The following PRDM5 variants were observed in gnomAD, a reference collection of about 807,000 sequenced individuals.
PRDM5 encodes the protein PR domain zinc finger protein 5.
Under a neutral mutation model 81.2 loss-of-function variants are expected in PRDM5, and 56 were observed. The observed-to-expected ratio is 0.69, with a 90% confidence interval of 0.56 to 0.86. PRDM5 has a LOEUF of 0.86. Among genes scored for constraint, PRDM5 ranks in the 40% least tolerant of loss-of-function variants. PRDM5 has a pLI of 0.00. For missense variants in PRDM5, 697 were observed against 770.1 expected (o/e 0.91, Z 1.12); for synonymous variants, 267 against 256.4 (o/e 1.04, Z -0.39).
chr4:120,788,540 T>C (rs560271251), intron 10 of PRDM5, among the ~76,000 whole-genome samples: 1 of 152,364 alleles, frequency 6.6e-6, no homozygotes, highest in South Asian at 2.1e-4. Context: ...ATTTTGTTTT[T>C]AGAGCATCCA....
chr4:120,878,939 G>C (rs1762581901), intron 2 of PRDM5, among the ~76,000 whole-genome samples: 1 of 152,176 alleles, frequency 6.6e-6, no homozygotes, highest in Non-Finnish European at 1.5e-5. Context: ...CTGCTGAGTG[G>C]AATGCAAAAT....
At chr4:120,768,119 C>T (rs1746657361) in intron 13 of PRDM5, among the ~76,000 whole-genome samples, 1 of 152,100 alleles carries the variant, frequency 6.6e-6, no homozygotes. Flanking sequence ...CATCATTTGG[C>T]TCTAAAGCAT....
chr4:120,801,809 G>T (rs565440932), intron 8 of PRDM5, among the ~76,000 whole-genome samples: 169 of 152,216 alleles, frequency 1.1e-3, no homozygotes, highest in African/African-American at 3.9e-3. Flanking sequence ...GAGGACCAAT[G>T]ATATGATTTG....
At chr4:120,810,818 T>C (rs1753731863) in intron 8 of PRDM5, among the ~76,000 whole-genome samples, 1 of 152,156 alleles carries the variant, frequency 6.6e-6, no homozygotes, top group Non-Finnish European at 1.5e-5. Context: ...ACATACAAGA[T>C]ATAACCTCAG....
chr4:120,874,660 T>C (rs975695536), intron 2 of PRDM5, among the ~76,000 whole-genome samples: 11 of 152,198 alleles, frequency 7.2e-5, no homozygotes, highest in African/African-American at 2.7e-4. Context: ...AAATCAAGAT[T>C]AGGACAAGAT....
chr4:120,857,961 C>T (rs185740814), intron 2 of PRDM5, among the ~76,000 whole-genome samples: 2 of 152,222 alleles, frequency 1.3e-5, no homozygotes, highest in Admixed American at 1.3e-4. Flanking sequence ...AAGAGCAAAG[C>T]CAGTCAGCCA....
At chr4:120,826,006 A>G (rs1053453416) in intron 3 of PRDM5, among the ~76,000 whole-genome samples, 1 of 152,132 alleles carries the variant, frequency 6.6e-6, no homozygotes, top group African/African-American at 2.4e-5. Flanking sequence ...CCAAAATCAC[A>G]TTCTTAACTC....
intron 13 of PRDM5, among the ~76,000 whole-genome samples, chr4:120,755,772 A>G (rs531826969): frequency 6.6e-6 from 1 of 152,234 alleles, no homozygotes; most frequent in African/African-American, 2.4e-5. Flanking sequence ...CCCATTGCAC[A>G]ATGGCCTTGC....
chr4:120,795,313 C>G (rs1344665659), intron 10 of PRDM5, among the ~76,000 whole-genome samples: 1 of 152,078 alleles, frequency 6.6e-6, no homozygotes, highest in Non-Finnish European at 1.5e-5. Context: ...ACAACTTACC[C>G]AAATTTTGCT....
chr4:120,709,581 T>C (rs1350952002), intron 15 of PRDM5, among the ~76,000 whole-genome samples: 1 of 152,166 alleles, frequency 6.6e-6, no homozygotes, highest in Non-Finnish European at 1.5e-5. Context: ...TTTCCCTCAA[T>C]ATTTAAGCAG....
intron 15 of PRDM5, among the ~76,000 whole-genome samples, chr4:120,699,728 A>G (rs1578576501): frequency 1.3e-5 from 2 of 148,788 alleles, no homozygotes; most frequent in Admixed American, 6.7e-5. Flanking sequence ...AAAGATCTCT[A>G]CAAGTAGAAC....
intron 13 of PRDM5, among the ~76,000 whole-genome samples, chr4:120,775,127 A>C (rs1747960590): frequency 6.6e-6 from 1 of 151,534 alleles, no homozygotes; most frequent in Admixed American, 6.6e-5. Flanking sequence ...CAAATTTAAT[A>C]GGCCAGAATC....
chr4:120,879,721 G>T (rs1237249184), intron 2 of PRDM5, among the ~76,000 whole-genome samples: 1 of 152,042 alleles, frequency 6.6e-6, no homozygotes, highest in Non-Finnish European at 1.5e-5. Context: ...TTTTTGGGGA[G>T]TCAAAAGTTA....
rs1195636559 is a variant in PRDM5, at chr4:120,904,709, A to C, written c.177+2765T>G. Among the ~76,000 whole-genome samples, 3 of 152,348 alleles carry C rather than the reference A, an allele frequency of 2.0e-5. No individual in the cohort carries two copies. In the South Asian group the frequency reaches 6.2e-4, roughly 32 times the overall value. ...GTACTGTGGAACTGTCAACTATATA[A>C]TAGTACAAAAATGACTTTGTTTCCT... is the stretch of plus-strand genomic sequence containing the variant. On this transcript the variant is annotated intron_variant, in intron 2 of 15. Transcript: ENST00000264808.
At chr4:120,781,624 C>T (rs753627510) in intron 11 of PRDM5, among the ~76,000 whole-genome samples, 1 of 152,160 alleles carries the variant, frequency 6.6e-6, no homozygotes, top group Non-Finnish European at 1.5e-5. Context: ...GGTAAATAGA[C>T]TCCAGTGACA....
At chr4:120,743,671 A>AAG (rs1742480405) in intron 14 of PRDM5, among the ~76,000 whole-genome samples, 1 of 86,086 alleles carries the variant, frequency 1.2e-5, no homozygotes, top group Admixed American at 1.3e-4. Context: ...CAAAGATCAA[A>AAG]ACAGACAAAG....
intron 13 of PRDM5, among the ~76,000 whole-genome samples, chr4:120,776,898 T>C (rs1175573855): frequency 6.6e-6 from 1 of 152,214 alleles, no homozygotes; most frequent in African/African-American, 2.4e-5. Context: ...AAAACTGTTA[T>C]TCTCTAATTC....
chr4:120,853,668 T>G, intron 2 of PRDM5, 128 bp from the exon 3 acceptor site: 1 of 1,231,510 alleles, frequency 8.1e-7, no homozygotes, highest in Non-Finnish European at 1.2e-6. Context: ...TAAATAGAAG[T>G]TGGACTAACA....
intron 2 of PRDM5, among the ~76,000 whole-genome samples, chr4:120,860,620 A>T (rs1760458664): frequency 6.6e-6 from 1 of 152,144 alleles, no homozygotes. Flanking sequence ...CTTGGAAAAA[A>T]AAAAAAGAAT....
Sources: gnomAD v4.1 joint callset for allele counts (sites outside exome capture counted in the v4.1 genomes callset) on GRCh38, gnomAD v4.1.1 for gene constraint, MANE v1.5 for transcripts, NCBI Gene and HGNC (gene_info 2026-07-23, HGNC 2026-07-21) for gene names.